The following KAT6A variants were observed in gnomAD, a reference collection of about 807,000 sequenced individuals.
KAT6A encodes the protein lysine acetyltransferase 6A, also known as histone acetyltransferase KAT6A.
In KAT6A, 9 loss-of-function variants were observed where a neutral mutation model predicts 198.4. That is an observed-to-expected ratio of 0.05 (90% CI 0.03 to 0.08). The LOEUF (loss-of-function observed/expected upper bound fraction) is 0.08, where lower values mean the gene tolerates loss of function less well. Ranked by LOEUF, KAT6A falls within the 10% of genes least tolerant of loss-of-function variation. The pLI, the probability that KAT6A is intolerant of heterozygous loss-of-function variation, is 1.00. For synonymous variants in KAT6A, 890 were observed against 883.0 expected (o/e 1.01, Z -0.14); for missense variants, 2,077 against 2,509.9 (o/e 0.83, Z 3.69).
Position 41,976,992 on chromosome 8 carries a change from T to G in KAT6A, c.1363+16A>C. 1 of 1,557,052 alleles carries G rather than the reference T, an allele frequency of 6.4e-7. No individual in the cohort carries two copies. Among genetic ancestry groups the G allele is most frequent in the Non-Finnish European group, 8.7e-7 (1 of 1,150,536 alleles). On this transcript the variant is annotated intron_variant, in intron 7 of 16. Transcript: ENST00000265713. ...ACAGAATACTATTTGTTTCTAAGTCTGTTCTAAACTCTTACCTGTGGGCCA... is the reference window on the plus strand; with the variant it reads ...ACAGAATACTATTTGTTTCTAAGTCGGTTCTAAACTCTTACCTGTGGGCCA...
intron 11 of KAT6A, among the ~76,000 whole-genome samples, chr8:41,947,363 A>C (rs887784894): frequency 3.9e-5 from 6 of 152,358 alleles, no homozygotes; most frequent in Non-Finnish European, 7.4e-5. Flanking sequence ...AAAGGAGAAA[A>C]TATCCTTTAA....
At position 41,933,718 on chromosome 8, in the gene KAT6A, T is replaced by C. The variant is rs766158215; in HGVS notation, c.4502A>G (p.Asn1501Ser). 16 of 1,614,040 alleles carry C rather than the reference T, an allele frequency of 9.9e-6. No homozygotes were observed. The highest frequency in any genetic ancestry group is 1.6e-4 in the Middle Eastern group (1 of 6,062). ...SQSVRSVSSP[N>S]VPALESGYTQ... ...GTAGCCACTCTCAAGGGCAGGCACG[T>C]TGGGACTGCTGACCGAACGGACTGA... The change falls in exon 17 of 17, where the codon AAC (asparagine) becomes AGC (serine). Residue 1501 changes from asparagine to serine, a missense_variant. This residue lies in a region of KAT6A where 178 missense variants were observed against 220.8 expected (regional missense o/e 0.81). Coordinates refer to ENST00000265713, the MANE Select transcript of KAT6A (RefSeq NM_006766.5). The surrounding 1 kb of genome is among the most constrained non-coding windows in gnomAD (Gnocchi z 6.2).
intron 2 of KAT6A, among the ~76,000 whole-genome samples, chr8:42,012,245 T>A (rs1446577260): frequency 6.6e-6 from 1 of 152,094 alleles, no homozygotes; most frequent in Non-Finnish European, 1.5e-5. Context: ...GCAACACACC[T>A]CCTAGGTATC....
At chr8:42,043,307 C>T (rs1827757322) in intron 2 of KAT6A, among the ~76,000 whole-genome samples, 2 of 152,172 alleles carry the variant, frequency 1.3e-5, no homozygotes, top group African/African-American at 4.8e-5. Flanking sequence ...GCCAGTTACA[C>T]ACTCTTCTCC....
intron 2 of KAT6A, among the ~76,000 whole-genome samples, chr8:42,000,145 C>A (rs1396732302): frequency 1.3e-5 from 2 of 152,134 alleles, no homozygotes; most frequent in East Asian, 1.9e-4. Context: ...GTTTTAAAGT[C>A]TTTGTACATA....
chr8:41,932,042 G>C lies in KAT6A; in HGVS notation c.*163C>G. 2 of 664,300 alleles carry C rather than the reference G, an allele frequency of 3.0e-6. No homozygotes were observed. Among genetic ancestry groups the C allele is most frequent in the Non-Finnish European group, 4.3e-6 (2 of 462,816 alleles). The allele number at this position is 664,300 out of a possible 1,614,324, so 41.2% of individuals were successfully genotyped here. A position where few individuals can be genotyped will look rare whatever the true frequency, so the allele number is the denominator to read the frequency against. ...CCAGAACAAAATGAACCCAAAAAAA[G>C]AGAAGATCAGGTTTTCTAAAAAATA... On this transcript the variant is annotated 3_prime_UTR_variant, in exon 17 of 17. Coordinates refer to ENST00000265713, the MANE Select transcript of KAT6A (RefSeq NM_006766.5).
At chr8:41,958,885 C>T (rs903981624) in intron 8 of KAT6A, among the ~76,000 whole-genome samples, 3 of 152,132 alleles carry the variant, frequency 2.0e-5, no homozygotes, top group South Asian at 2.1e-4. Context: ...AAAGGCCGGG[C>T]GTGGTGGCTC....
rs1331325889 is a variant in KAT6A, at chr8:41,934,447, C to T, written c.3773G>A (p.Ser1258Asn). ...CTTGGTTTCGGTCTCAGGACTATTG[C>T]TGCTGTCTGCTGGAGAGGCTGCTGG... ...EVPAASPADS[S>N]NSPETETKEP... Residue 1258 changes from serine (S) to asparagine (N), a missense_variant, in exon 17 of 17, where the codon AGC becomes AAC. Ser to Asn is a conservative substitution (Grantham distance 46, BLOSUM62 1). Around this residue, in one of 13 missense-constraint regions of KAT6A, gnomAD observed 375 missense variants for 383.0 expected, o/e 0.98. Coordinates refer to ENST00000265713, the MANE Select transcript of KAT6A (RefSeq NM_006766.5). 1 of 1,607,540 alleles carries T rather than the reference C, an allele frequency of 6.2e-7. No homozygotes were observed. Among genetic ancestry groups the T allele is most frequent in the Non-Finnish European group, 8.5e-7 (1 of 1,176,610 alleles).
At position 41,929,593 on chromosome 8, in the gene KAT6A, C is replaced by T. The variant is rs905149149; in HGVS notation, c.*2612G>A. ...TACATACAAGGAGAGGAAGGGAGGCCGGCTGGCCCAGGAGCGCGTGACATG... is the reference window on the plus strand; with the variant it reads ...TACATACAAGGAGAGGAAGGGAGGCTGGCTGGCCCAGGAGCGCGTGACATG... On this transcript the variant is annotated 3_prime_UTR_variant, in exon 17 of 17. Coordinates refer to ENST00000265713, the MANE Select transcript of KAT6A (RefSeq NM_006766.5). The T allele has an allele frequency of 3.1e-5, 6 of 192,666 alleles. No homozygotes were observed. The highest frequency in any genetic ancestry group is 4.3e-5 in the Non-Finnish European group (4 of 92,232). The allele number at this position is 192,666 out of a possible 1,614,324, so 11.9% of individuals were successfully genotyped here.
At position 42,030,568 on chromosome 8, in the gene KAT6A, T is replaced by A. The variant is rs928051888; in HGVS notation, c.600+17810A>T. 2.0e-5 allele frequency among the ~76,000 whole-genome samples: 3 copies of A among 152,006 alleles called. 1 individual carries two copies. The highest frequency in any genetic ancestry group is 1.9e-4 in the East Asian group (1 of 5,186). On this transcript the variant is annotated intron_variant, in intron 2 of 16. Transcript: ENST00000265713. ...CCATTAAAATTTTATTTTATTTTAT[T>A]ATTATTTTTTTTTTGAGACACAGTT...
At chr8:41,992,710 C>CT (rs1182620204) in intron 2 of KAT6A, among the ~76,000 whole-genome samples, 3 of 152,118 alleles carry the variant, frequency 2.0e-5, no homozygotes, top group Non-Finnish European at 4.4e-5. Flanking sequence ...AGAGCAATCA[C>CT]TGAAGAGAAG....
rs780347227 is a variant in KAT6A, at chr8:41,931,484, A to G, written c.*721T>C. ...TATTTTAAAAAAGAAGAAAAAAATT[A>G]TATTACACTTGATTCAAGAACAACA... On this transcript the variant is annotated 3_prime_UTR_variant, in exon 17 of 17. Transcript: ENST00000265713. The G allele has an allele frequency of 9.6e-6, 2 of 208,756 alleles. No homozygotes were observed. The highest frequency in any genetic ancestry group is 5.9e-5 in the Admixed American group (1 of 16,876). 12.9% of individuals were successfully genotyped at this position (208,756 alleles called of 1,614,324 possible). A position where few individuals can be genotyped will look rare whatever the true frequency, so the allele number is the denominator to read the frequency against.
At chr8:41,937,189 T>A in intron 16 of KAT6A, 67 bp downstream of exon 16, 1 of 1,243,352 alleles carries the variant, frequency 8.0e-7, no homozygotes, top group South Asian at 1.4e-5. Flanking sequence ...TACTGAAGGG[T>A]CTGTCACTGC....
At position 41,941,108 on chromosome 8, in the gene KAT6A, C is replaced by T. The variant is rs762481564; in HGVS notation, c.2773G>A (p.Glu925Lys). 6.2e-7 allele frequency: 1 copy of T among 1,614,220 alleles called. No homozygotes were observed. Among genetic ancestry groups the T allele is most frequent in the Non-Finnish European group, 8.5e-7 (1 of 1,180,042 alleles). ...ESEEQLVASE[E>K]QPSQDGKPDL... ...GGTTTCCCGTCCTGGCTTGGCTGCTCCTCAGAAGCCACCAGCTGTTCTTCA... is the reference window on the plus strand; with the variant it reads ...GGTTTCCCGTCCTGGCTTGGCTGCTTCTCAGAAGCCACCAGCTGTTCTTCA... Residue 925 changes from glutamate to lysine, a missense_variant, in exon 15 of 17, where the codon GAG (glutamate) becomes AAG (lysine). By Grantham distance (56) the Glu-to-Lys change is moderately conservative. Around this residue, in one of 13 missense-constraint regions of KAT6A, gnomAD observed 301 missense variants for 272.2 expected, o/e 1.11. Transcript: ENST00000265713.
At chr8:41,941,535 A>T (rs998271213) in intron 14 of KAT6A, 91 bp from the exon 15 acceptor site, 4 of 1,318,846 alleles carry the variant, frequency 3.0e-6, no homozygotes, top group Non-Finnish European at 4.1e-6. Context: ...TTGAGAGAAG[A>T]AAAGGAAACT....
At chr8:41,954,156 A>AC (rs942128927) in intron 9 of KAT6A, among the ~76,000 whole-genome samples, 2 of 152,026 alleles carry the variant, frequency 1.3e-5, no homozygotes, top group African/African-American at 4.8e-5. Context: ...TGGCATTCTT[A>AC]CCCCTATTTT....
intron 8 of KAT6A, among the ~76,000 whole-genome samples, chr8:41,973,408 C>T (rs1823897384): frequency 6.6e-6 from 1 of 151,858 alleles, no homozygotes; most frequent in Non-Finnish European, 1.5e-5. Flanking sequence ...TTAGTAGAGA[C>T]GGGGTTTCAC....
At chr8:41,990,401 GACAGC>G (rs1364509983) in intron 2 of KAT6A, among the ~76,000 whole-genome samples, 1 of 152,150 alleles carries the variant, frequency 6.6e-6, no homozygotes, top group African/African-American at 2.4e-5. Context: ...AGACTGGGAA[GACAGC>G]ACTAAGAAAA....
chr8:42,035,036 T>C (rs1233830070), intron 2 of KAT6A, among the ~76,000 whole-genome samples: 2 of 152,178 alleles, frequency 1.3e-5, no homozygotes, highest in South Asian at 2.1e-4. Flanking sequence ...ACGAAGATGA[T>C]ACTGGAGGAA....
Sources: allele counts gnomAD v4.1 joint callset (sites outside exome capture counted in the v4.1 genomes callset), GRCh38; gene constraint gnomAD v4.1.1; regional missense constraint gnomAD v4.1.1; non-coding constraint Gnocchi (gnomAD v3.1); transcripts MANE v1.5; gene names NCBI Gene and HGNC (gene_info 2026-07-23, HGNC 2026-07-21).